RIMS2: variants seen among roughly 807,000 people sequenced by gnomAD.
RIMS2 encodes regulating synaptic membrane exocytosis 2, also known as regulating synaptic membrane exocytosis protein 2.
RIMS2 carries 59 observed loss-of-function variants against 174.4 expected under a neutral mutation model. The ratio of observed to expected loss-of-function variants is 0.34; its 90% confidence interval spans 0.27 to 0.42. RIMS2 has a LOEUF of 0.42. RIMS2 is among the 10% of genes least tolerant of loss of function. The pLI is 1.00. For synonymous variants in RIMS2, 606 were observed against 572.5 expected, an observed-to-expected ratio of 1.06 and a Z score of -0.84; for missense variants, 1,620 against 1,666.3, an observed-to-expected ratio of 0.97 and a Z score of 0.48.
chr8:103,944,492 T>C (rs1003451752), intron 14 of RIMS2, among the ~76,000 whole-genome samples: 1 of 152,036 alleles, frequency 6.6e-6, no homozygotes, highest in Non-Finnish European at 1.5e-5. Context: ...CTTCAGTTTT[T>C]ATTGCAATAG....
chr8:103,721,749 A>T (rs2097451606), intron 2 of RIMS2, among the ~76,000 whole-genome samples: 1 of 152,218 alleles, frequency 6.6e-6, no homozygotes, highest in African/African-American at 2.4e-5. Flanking sequence ...CTATTTTCTT[A>T]TCCTGCATGG....
intron 2 of RIMS2, among the ~76,000 whole-genome samples, chr8:103,751,773 C>T (rs7001716): frequency 0.27 from 39,939 of 150,062 alleles, 5,739 homozygotes; most frequent in African/African-American, 0.32. Flanking sequence ...TCATGTCCTT[C>T]GCCCACTTTT....
chr8:104,045,076 C>T (rs2096670306), intron 19 of RIMS2, among the ~76,000 whole-genome samples: 1 of 151,782 alleles, frequency 6.6e-6, no homozygotes, highest in Non-Finnish European at 1.5e-5. Context: ...CTTTATTAGC[C>T]TGTCACTCAC....
chr8:103,582,392 C>T (rs941522965), intron 1 of RIMS2, among the ~76,000 whole-genome samples: 74 of 152,094 alleles, frequency 4.9e-4, no homozygotes, highest in African/African-American at 1.7e-3. Flanking sequence ...ACTCCTTCTG[C>T]TTGAGAAAAG....
At chr8:103,572,171 G>T (rs1270483806) in intron 1 of RIMS2, among the ~76,000 whole-genome samples, 1 of 152,126 alleles carries the variant, frequency 6.6e-6, no homozygotes, top group African/African-American at 2.4e-5. Flanking sequence ...TGAAGCTGCA[G>T]ACCTTCTTAG....
chr8:103,766,376 G>A, exon 3 of RIMS2: 1 of 1,613,912 alleles, frequency 6.2e-7, no homozygotes, highest in South Asian at 1.1e-5. Context: ...CTCAGGAGAA[G>A]AAACCAAAAC....
At chr8:103,638,056 A>G (rs1417160855) in intron 1 of RIMS2, among the ~76,000 whole-genome samples, 3 of 151,626 alleles carry the variant, frequency 2.0e-5, no homozygotes, top group Non-Finnish European at 4.4e-5. Context: ...GTATCACATC[A>G]TATCAGGGGG....
At chr8:104,173,325 GT>G (rs1400753970) in intron 19 of RIMS2, among the ~76,000 whole-genome samples, 5 of 152,138 alleles carry the variant, frequency 3.3e-5, no homozygotes, top group African/African-American at 1.2e-4. Flanking sequence ...ATCTTTCTGG[GT>G]TTTGGCATTC....
intron 19 of RIMS2, among the ~76,000 whole-genome samples, chr8:104,100,799 T>C (rs1383931735): frequency 7.0e-6 from 1 of 142,366 alleles, no homozygotes; most frequent in Non-Finnish European, 1.5e-5. Context: ...TTTCCTGTTA[T>C]ATATATATTA....
chr8:103,955,866 C>T (rs1188222023), intron 14 of RIMS2, among the ~76,000 whole-genome samples: 1 of 152,062 alleles, frequency 6.6e-6, no homozygotes, highest in Non-Finnish European at 1.5e-5. Context: ...CATGTCAGCC[C>T]AAAATCTCCT....
At chr8:103,597,906 A>G (rs1754846816) in intron 1 of RIMS2, among the ~76,000 whole-genome samples, 1 of 152,158 alleles carries the variant, frequency 6.6e-6, no homozygotes, top group South Asian at 2.1e-4. Flanking sequence ...AGAATAGGCT[A>G]TATCCGATAT....
At chr8:103,869,759 G>T (rs1015383946) in intron 3 of RIMS2, among the ~76,000 whole-genome samples, 3 of 152,204 alleles carry the variant, frequency 2.0e-5, no homozygotes, top group African/African-American at 7.2e-5. Flanking sequence ...TGATTTGAAG[G>T]AGGATTTTAA....
At chr8:103,603,984 C>A (rs2094905314) in intron 1 of RIMS2, among the ~76,000 whole-genome samples, 1 of 148,660 alleles carries the variant, frequency 6.7e-6, no homozygotes, top group Non-Finnish European at 1.5e-5. Context: ...TTTTGCTGTG[C>A]AGAAGCTCTT....
At chr8:103,873,774 A>G (rs2099123266) in intron 3 of RIMS2, among the ~76,000 whole-genome samples, 1 of 152,122 alleles carries the variant, frequency 6.6e-6, no homozygotes, top group Non-Finnish European at 1.5e-5. Context: ...ACTACAGCAT[A>G]TATAAAGGTG....
chr8:103,846,588 C>G (rs1017778614), intron 3 of RIMS2, among the ~76,000 whole-genome samples: 2 of 152,104 alleles, frequency 1.3e-5, no homozygotes, highest in Admixed American at 6.6e-5. Context: ...AGCCAGTATT[C>G]ACAGCAGCTG....
At chr8:103,984,494 C>G (rs2094190425) in intron 16 of RIMS2, among the ~76,000 whole-genome samples, 1 of 152,156 alleles carries the variant, frequency 6.6e-6, no homozygotes. Flanking sequence ...CAAATCAAAA[C>G]TACAATGACA....
chr8:103,631,127 AGATCCC>A (rs2095908643), intron 1 of RIMS2, among the ~76,000 whole-genome samples: 1 of 152,222 alleles, frequency 6.6e-6, no homozygotes, highest in African/African-American at 2.4e-5. Flanking sequence ...AAGTTTAATT[AGATCCC>A]ATTTGTCAAT....
chr8:103,562,977 G>A (rs1171519305), intron 1 of RIMS2, among the ~76,000 whole-genome samples: 1 of 152,176 alleles, frequency 6.6e-6, no homozygotes, highest in African/African-American at 2.4e-5. Context: ...GGCTGGAGCA[G>A]CTGGGACACA....
At chr8:103,796,192 G>A (rs189403282) in intron 3 of RIMS2, among the ~76,000 whole-genome samples, 58 of 152,042 alleles carry the variant, frequency 3.8e-4, no homozygotes, top group African/African-American at 1.1e-3. Flanking sequence ...TTCCTGAAAC[G>A]TGATATTAAA....
Sources: allele counts gnomAD v4.1 joint callset (sites outside exome capture counted in the v4.1 genomes callset), GRCh38; gene constraint gnomAD v4.1.1; transcripts MANE v1.5; gene names NCBI Gene and HGNC (gene_info 2026-07-23, HGNC 2026-07-21).